The following SORCS1 variants were observed in gnomAD, a reference collection of about 807,000 sequenced individuals.
The protein encoded by SORCS1 is sortilin related VPS10 domain containing receptor 1.
In SORCS1, 60 loss-of-function variants were observed where a neutral mutation model predicts 146.1. That is an observed-to-expected ratio of 0.41 (90% confidence interval 0.33 to 0.51). The LOEUF is 0.51. SORCS1 is among the 20% of genes least tolerant of loss of function. SORCS1 has a pLI of 0.21. For missense variants in SORCS1, 1,352 were observed against 1,487.6 expected (o/e 0.91, Z 1.50); for synonymous variants, 637 against 584.0 (o/e 1.09, Z -1.31).
At chr10:106,830,568 T>A (rs551400004) in intron 2 of SORCS1, among the ~76,000 whole-genome samples, 8 of 151,474 alleles carry the variant, frequency 5.3e-5, no homozygotes, top group Admixed American at 2.6e-4. Flanking sequence ...CTCAGCTTTT[T>A]TTTTTTTTCC....
chr10:106,800,169 T>C (rs1402516408), intron 3 of SORCS1, among the ~76,000 whole-genome samples: 2 of 152,118 alleles, frequency 1.3e-5, no homozygotes, highest in African/African-American at 4.8e-5. Flanking sequence ...CTATAGAGGG[T>C]GATACCTTCT....
chr10:107,046,093 C>T (rs1959388791), intron 1 of SORCS1, among the ~76,000 whole-genome samples: 1 of 151,970 alleles, frequency 6.6e-6, no homozygotes, highest in Admixed American at 6.6e-5. Flanking sequence ...ACTACAGGCA[C>T]GTGCCACCAC....
intron 3 of SORCS1, among the ~76,000 whole-genome samples, chr10:106,786,651 G>A (rs1369038836): frequency 6.6e-6 from 1 of 151,658 alleles, no homozygotes; most frequent in Non-Finnish European, 1.5e-5. Flanking sequence ...ACCTCTCAAG[G>A]GAAGAAAAGC....
At chr10:106,740,968 A>G (rs561508809) in intron 5 of SORCS1, among the ~76,000 whole-genome samples, 3 of 152,396 alleles carry the variant, frequency 2.0e-5, no homozygotes, top group East Asian at 1.9e-4. Context: ...TAGAGATAAT[A>G]GTACCGAATA....
intron 3 of SORCS1, among the ~76,000 whole-genome samples, chr10:106,824,482 C>T (rs182109296): frequency 9.8e-4 from 148 of 150,474 alleles, no homozygotes; most frequent in Non-Finnish European, 1.5e-3. Context: ...CCCAGCTGCT[C>T]GGGAGGCTGA....
intron 1 of SORCS1, among the ~76,000 whole-genome samples, chr10:106,966,916 A>G (rs1955521227): frequency 6.6e-6 from 1 of 152,210 alleles, no homozygotes; most frequent in South Asian, 2.1e-4. Flanking sequence ...ATAAAAATAA[A>G]AAATAAGCTT....
intron 1 of SORCS1, among the ~76,000 whole-genome samples, chr10:107,050,963 G>A (rs996423624): frequency 1.3e-5 from 2 of 151,996 alleles, no homozygotes; most frequent in Non-Finnish European, 2.9e-5. Context: ...TATATAGTAT[G>A]AGCCAGGTTC....
chr10:106,709,442 AAT>A, intron 6 of SORCS1, 101 bp from the exon 7 acceptor site: 9 of 412,432 alleles, frequency 2.2e-5, no homozygotes, highest in Admixed American at 9.8e-5. Context: ...TACCATTTCC[AAT>A]TTTTTTTTTT....
chr10:106,763,009 G>A (rs143439333), intron 4 of SORCS1, among the ~76,000 whole-genome samples: 74 of 151,772 alleles, frequency 4.9e-4, no homozygotes, highest in African/African-American at 1.7e-3. Flanking sequence ...TTTTAAGCCC[G>A]GAGCTCTACT....
At chr10:107,075,640 C>T (rs1962814260) in intron 1 of SORCS1, among the ~76,000 whole-genome samples, 1 of 152,062 alleles carries the variant, frequency 6.6e-6, no homozygotes, top group African/African-American at 2.4e-5. Context: ...TACACATTTC[C>T]TATGCACAGA....
chr10:106,678,256 T>A (rs1338991145), intron 12 of SORCS1, among the ~76,000 whole-genome samples: 1 of 152,174 alleles, frequency 6.6e-6, no homozygotes, highest in East Asian at 1.9e-4. Flanking sequence ...AAGAAGAAAA[T>A]GGGATCCTGG....
At chr10:106,656,451 G>T (rs963902276) in intron 17 of SORCS1, among the ~76,000 whole-genome samples, 2 of 152,188 alleles carry the variant, frequency 1.3e-5, no homozygotes, top group African/African-American at 4.8e-5. Context: ...CTCTACTCGG[G>T]AGGCTGAGGC....
intron 1 of SORCS1, among the ~76,000 whole-genome samples, chr10:107,136,292 T>C (rs998946169): frequency 6.6e-6 from 1 of 152,210 alleles, no homozygotes; most frequent in African/African-American, 2.4e-5. Flanking sequence ...GTCCTGGCTT[T>C]CTTCATACAA....
chr10:107,165,350 A>G (rs1184947885), upstream of SORCS1, among the ~76,000 whole-genome samples: 1 of 148,036 alleles, frequency 6.8e-6, no homozygotes, highest in Non-Finnish European at 1.5e-5. This position sits in a 1 kb window ranked among gnomAD's most constrained non-coding sequence, Gnocchi z 4.0. Flanking sequence ...TTTCCCATCA[A>G]TTTTAACGCT....
At chr10:106,991,365 A>G (rs890575395) in intron 1 of SORCS1, among the ~76,000 whole-genome samples, 1 of 152,204 alleles carries the variant, frequency 6.6e-6, no homozygotes, top group African/African-American at 2.4e-5. Context: ...TGGCCTTTCT[A>G]TTCCTCAAAT....
intron 25 of SORCS1, chr10:106,578,095 C>T (rs1420731077): frequency 6.5e-6 from 1 of 152,730 alleles, no homozygotes; most frequent in African/African-American, 2.4e-5. Context: ...TAGAGTGGAG[C>T]ATGAATGGTT....
At chr10:106,747,841 T>C (rs1286207918) in intron 5 of SORCS1, among the ~76,000 whole-genome samples, 1 of 151,832 alleles carries the variant, frequency 6.6e-6, no homozygotes, top group Non-Finnish European at 1.5e-5. Flanking sequence ...TTTGAGAAGA[T>C]GGATATGCTA....
At chr10:106,901,394 A>G (rs1951693736) in intron 2 of SORCS1, among the ~76,000 whole-genome samples, 1 of 152,190 alleles carries the variant, frequency 6.6e-6, no homozygotes, top group Non-Finnish European at 1.5e-5. Context: ...AAACACATCA[A>G]GGTGTTCAAC....
At chr10:106,718,776 A>T (rs1855569173) in intron 6 of SORCS1, among the ~76,000 whole-genome samples, 1 of 152,116 alleles carries the variant, frequency 6.6e-6, no homozygotes, top group Non-Finnish European at 1.5e-5. Flanking sequence ...CTTTGGCTAG[A>T]CACAGAGTGC....
Sources: gnomAD v4.1 joint callset for allele counts (sites outside exome capture counted in the v4.1 genomes callset) on GRCh38, gnomAD v4.1.1 for gene constraint, Gnocchi (gnomAD v3.1) non-coding constraint, MANE v1.5 for transcripts, NCBI Gene and HGNC (gene_info 2026-07-23, HGNC 2026-07-21) for gene names.